The following RAB17 variants were observed in gnomAD, a reference collection of about 807,000 sequenced individuals.
The protein encoded by RAB17 is RAB17, member RAS oncogene family, also known as ras-related protein Rab-17.
RAB17 carries 15 observed loss-of-function variants against 19.3 expected under a neutral mutation model. The ratio of observed to expected loss-of-function variants is 0.78; its 90% confidence interval spans 0.52 to 1.20. The LOEUF (loss-of-function observed/expected upper bound fraction) is 1.20, where lower values mean the gene tolerates loss of function less well. RAB17 is among the 50% of genes most tolerant of loss of function. The pLI is 0.00. For synonymous variants in RAB17, 110 were observed against 112.8 expected, an observed-to-expected ratio of 0.97 and a Z score of 0.16; for missense variants, 262 against 269.3, an observed-to-expected ratio of 0.97 and a Z score of 0.19.
At chr2:237,590,080 T>G (rs1490468679) in intron 1 of RAB17, among the ~76,000 whole-genome samples, 1 of 152,092 alleles carries the variant, frequency 6.6e-6, no homozygotes, top group African/African-American at 2.4e-5. Context: ...GCTTCCTAGA[T>G]ATCACTGGGT....
In RAB17 at chr2:237,583,147, G is replaced by A. The variant is rs140339795; in HGVS notation, c.157+2851C>T. ...ATTAACATAGGCCGGGTGCAGTGGTGCACACCATGGCAAAACCCTATCTCT... is the reference window on the plus strand; with the variant it reads ...ATTAACATAGGCCGGGTGCAGTGGTACACACCATGGCAAAACCCTATCTCT... On this transcript the variant is annotated intron_variant, in intron 2 of 5. Transcript: ENST00000264601. 3.3e-3 allele frequency among the ~76,000 whole-genome samples: 499 copies of A among 152,164 alleles called. 3 individuals are homozygous for A. Among genetic ancestry groups the A allele is most frequent in the African/African-American group, 0.011 (474 of 41,496 alleles).
intron 2 of RAB17, 79 bp downstream of exon 2, chr2:237,585,919 C>T: frequency 4.9e-6 from 7 of 1,439,678 alleles, no homozygotes; most frequent in African/African-American, 1.4e-5. Flanking sequence ...GGGCCTCGTC[C>T]CCATCTGCCC....
intron 1 of RAB17, among the ~76,000 whole-genome samples, chr2:237,587,368 T>C (rs1358904853): frequency 6.6e-6 from 1 of 152,132 alleles, no homozygotes; most frequent in Non-Finnish European, 1.5e-5. Context: ...GAGTCTCTTC[T>C]CCCTTCCTCA....
intron 4 of RAB17, chr2:237,576,622 G>T (rs776645253): frequency 6.4e-6 from 3 of 471,196 alleles, no homozygotes; most frequent in East Asian, 1.4e-4. Context: ...CTTCCCCTGC[G>T]CCAGCCTCTA....
chr2:237,587,767 C>G (rs2081361023), intron 1 of RAB17, among the ~76,000 whole-genome samples: 2 of 150,394 alleles, frequency 1.3e-5, no homozygotes, highest in Admixed American at 6.6e-5. Flanking sequence ...GTTTCACCAT[C>G]AAGTATGATG....
intron 2 of RAB17, chr2:237,578,363 G>C: frequency 1.9e-6 from 1 of 514,974 alleles, no homozygotes; most frequent in Non-Finnish European, 3.5e-6. Flanking sequence ...GGGAGTGATT[G>C]CTATGGGGCC....
Position 237,578,008 on chromosome 2 carries a change from C to T in RAB17, c.305G>A (p.Arg102Lys). Residue 102 changes from arginine to lysine, a missense_variant, in exon 3 of 6, where the codon AGG (arginine) becomes AAG (lysine). By Grantham distance (26) the Arg-to-Lys change is conservative. Coordinates refer to ENST00000264601, the MANE Select transcript of RAB17 (RefSeq NM_022449.4). ...GTGCCTCAAGGCGGGCCCTACCTTC[C>T]TGGTGATGTCGTACACCAGAAGCGC... ...NAALLVYDIT[R>K]KDSFLKAQQW... The T allele has an allele frequency of 6.3e-7, 1 of 1,599,902 alleles. No homozygotes were observed. The highest frequency in any genetic ancestry group is 1.1e-5 in the South Asian group (1 of 90,482).
intron 1 of RAB17, among the ~76,000 whole-genome samples, chr2:237,588,088 G>A (rs1036355877): frequency 2.0e-5 from 3 of 152,144 alleles, no homozygotes; most frequent in Non-Finnish European, 4.4e-5. Flanking sequence ...GCCAGCTATG[G>A]TTTGCATGGA....
At chr2:237,586,496 A>C (rs11904188) in intron 1 of RAB17, among the ~76,000 whole-genome samples, 16,460 of 143,590 alleles carry the variant, frequency 0.11, 1,014 homozygotes, top group Non-Finnish European at 0.14. Context: ...CAGTTTTTAC[A>C]AATCTATTAC....
chr2:237,588,458 G>A (rs1427648388), intron 1 of RAB17, among the ~76,000 whole-genome samples: 1 of 152,190 alleles, frequency 6.6e-6, no homozygotes, highest in African/African-American at 2.4e-5. Context: ...GAGAGTGCCT[G>A]GGGTGGGAAC....
chr2:237,582,676 G>A (rs1308551178), intron 2 of RAB17, among the ~76,000 whole-genome samples: 1 of 152,198 alleles, frequency 6.6e-6, no homozygotes, highest in African/African-American at 2.4e-5. Flanking sequence ...GAAGCCACAC[G>A]TGACAAAAGA....
At chr2:237,576,556 G>A (rs2081264453) in intron 4 of RAB17, 1 of 470,970 alleles carries the variant, frequency 2.1e-6, no homozygotes, top group Non-Finnish European at 4.4e-6. Flanking sequence ...CTCCATTGAA[G>A]CTGGGGCCTT....
intron 2 of RAB17, among the ~76,000 whole-genome samples, chr2:237,584,220 G>A: frequency 6.6e-6 from 1 of 151,996 alleles, no homozygotes; most frequent in Non-Finnish European, 1.5e-5. Flanking sequence ...TGGGTGCTCT[G>A]TGGGTACAGC....
At chr2:237,586,526 T>C (rs2081351868) in intron 1 of RAB17, among the ~76,000 whole-genome samples, 1 of 152,178 alleles carries the variant, frequency 6.6e-6, no homozygotes, top group Admixed American at 6.5e-5. Context: ...AAGTATCTAA[T>C]GCAAGGAGAG....
chr2:237,582,742 A>G (rs892319486), intron 2 of RAB17, among the ~76,000 whole-genome samples: 46 of 152,380 alleles, frequency 3.0e-4, no homozygotes, highest in Admixed American at 1.2e-3. Flanking sequence ...CTCTTCCCCC[A>G]AAGCACGTAA....
chr2:237,582,522 G>T (rs79200469), intron 2 of RAB17, among the ~76,000 whole-genome samples: 1 of 152,270 alleles, frequency 6.6e-6, no homozygotes, highest in South Asian at 2.1e-4. Flanking sequence ...TCCCTCCCTC[G>T]GGGATCCTGC....
Position 237,574,528 on chromosome 2 carries a change from C to T in RAB17, c.*491G>A, listed in dbSNP as rs545018008. ...GGCAACTTCACCAAGATGTGGAAAT[C>T]CTGGGCCCACCCCACAGTCAGTCAT... On this transcript the variant is annotated 3_prime_UTR_variant, in exon 6 of 6. Coordinates refer to ENST00000264601, the MANE Select transcript of RAB17 (RefSeq NM_022449.4). 2 of 1,550,490 alleles carry T rather than the reference C, an allele frequency of 1.3e-6. No homozygotes were observed. The highest frequency in any genetic ancestry group is 1.4e-5 in the African/African-American group (1 of 73,148).
In RAB17 at chr2:237,582,075, C is replaced by T. The variant is rs552558147; in HGVS notation, c.158-3920G>A. Among the ~76,000 whole-genome samples, 4 of 152,392 alleles carry T rather than the reference C, an allele frequency of 2.6e-5. No individual in the cohort carries two copies. In the South Asian group the frequency reaches 8.3e-4, roughly 32 times the overall value. On this transcript the variant is annotated intron_variant, in intron 2 of 5. Transcript: ENST00000264601. ...TGGCGGGGGTGGGCGGGAGGCTGCGCTCACTTGGACTCCCGTCCCTCGGAC... is the reference window on the plus strand; with the variant it reads ...TGGCGGGGGTGGGCGGGAGGCTGCGTTCACTTGGACTCCCGTCCCTCGGAC...
intron 3 of RAB17, chr2:237,577,801 T>C (rs2081277149): frequency 6.6e-6 from 4 of 609,108 alleles, no homozygotes; most frequent in Admixed American, 5.8e-5. Context: ...GGCAACGGCA[T>C]GTTCTTTGTG....
Sources: allele counts gnomAD v4.1 joint callset (sites outside exome capture counted in the v4.1 genomes callset), GRCh38; gene constraint gnomAD v4.1.1; transcripts MANE v1.5; gene names NCBI Gene and HGNC (gene_info 2026-07-23, HGNC 2026-07-21).